The following DHRS7B variants were observed in gnomAD, a reference collection of about 807,000 sequenced individuals.
The protein encoded by DHRS7B is peroxisomal reductase activating PPAR-gamma.
In DHRS7B, 24 loss-of-function variants were observed where a neutral mutation model predicts 26.4. The observed-to-expected ratio is 0.91, with a 90% CI of 0.66 to 1.28. The LOEUF is 1.28. Ranked by LOEUF, DHRS7B falls within the 50% of genes most tolerant of loss-of-function variation. DHRS7B has a pLI of 0.00. For synonymous variants in DHRS7B, 142 were observed against 166.4 expected, an observed-to-expected ratio of 0.85 and a Z score of 1.13; for missense variants, 368 against 419.4, an observed-to-expected ratio of 0.88 and a Z score of 1.07.
At chr17:21,168,732 G>A in intron 1 of DHRS7B, 1 of 985,440 alleles carries the variant, frequency 1.0e-6, no homozygotes, top group African/African-American at 1.7e-5. Context: ...ACTGAATGCA[G>A]ACATGCGCTC....
At chr17:21,143,641 G>GT (rs139788836) in intron 1 of DHRS7B, among the ~76,000 whole-genome samples, 1 of 152,112 alleles carries the variant, frequency 6.6e-6, no homozygotes, top group Non-Finnish European at 1.5e-5. Context: ...CAGAGGGTCA[G>GT]TTTTTTTCCT....
intron 1 of DHRS7B, among the ~76,000 whole-genome samples, chr17:21,156,210 C>T (rs984985679): frequency 6.6e-6 from 1 of 152,082 alleles, no homozygotes; most frequent in South Asian, 2.1e-4. Flanking sequence ...ATCAATAAGC[C>T]TCTAGTCCAG....
At chr17:21,150,100 C>A (rs1973729624) in intron 1 of DHRS7B, among the ~76,000 whole-genome samples, 3 of 67,398 alleles carry the variant, frequency 4.5e-5, no homozygotes, top group Admixed American at 2.1e-4. Context: ...GGCTCCATCT[C>A]TATTTAAAAA....
At chr17:21,184,603 C>T (rs950695622) in intron 5 of DHRS7B, 140 bp downstream of exon 5, 1 of 821,788 alleles carries the variant, frequency 1.2e-6, no homozygotes, top group Non-Finnish European at 1.9e-6. Flanking sequence ...ATGTGTTCTC[C>T]AGAGCCACAT....
chr17:21,161,350 A>C (rs1001377713), intron 1 of DHRS7B, among the ~76,000 whole-genome samples: 1 of 152,184 alleles, frequency 6.6e-6, no homozygotes, highest in South Asian at 2.1e-4. Context: ...GTGTACCTAA[A>C]GTTTGTCTTA....
At chr17:21,151,222 C>G (rs1371639400) in intron 1 of DHRS7B, among the ~76,000 whole-genome samples, 1 of 152,046 alleles carries the variant, frequency 6.6e-6, no homozygotes, top group Non-Finnish European at 1.5e-5. Flanking sequence ...GTTGCCACTT[C>G]TAGGCTGGGT....
At chr17:21,130,880 A>C (rs1973215635) in intron 1 of DHRS7B, among the ~76,000 whole-genome samples, 1 of 152,194 alleles carries the variant, frequency 6.6e-6, no homozygotes, top group African/African-American at 2.4e-5. Flanking sequence ...GGCCATAAGC[A>C]TGAGGGTGAA....
chr17:21,145,735 T>C (rs1008750060), intron 1 of DHRS7B, among the ~76,000 whole-genome samples: 2 of 152,254 alleles, frequency 1.3e-5, no homozygotes, highest in African/African-American at 2.4e-5. Context: ...CATGAAATAA[T>C]CAACACTTTA....
In DHRS7B at chr17:21,183,725, C is replaced by T. The variant is rs568009900; in HGVS notation, c.441C>T (p.Tyr147=). The change falls in exon 4 of 7, where the codon TAC becomes TAT. Residue 147 remains tyrosine, a synonymous_variant. Transcript: ENST00000395511. ...DILVNNAGIS[Y]RGTIMDTTVD... is the part of the protein sequence containing the mutation. ...TTGTCAACAATGCTGGGATCAGCTACCGTGGTACCATCATGGACACCACAG... is the reference window on the plus strand; with the variant it reads ...TTGTCAACAATGCTGGGATCAGCTATCGTGGTACCATCATGGACACCACAG... The T allele has an allele frequency of 7.4e-5, 119 of 1,614,106 alleles. No individual in the cohort carries two copies. Among genetic ancestry groups the T allele is most frequent in the Admixed American group, 3.3e-5 (2 of 60,008 alleles).
Position 21,191,084 on chromosome 17 carries a change from G to A in DHRS7B, c.909G>A (p.Leu303=), listed in dbSNP as rs1211582876. The A allele has an allele frequency of 1.2e-6, 2 of 1,614,168 alleles. No individual in the cohort carries two copies. The highest frequency in any genetic ancestry group is 2.2e-5 in the South Asian group (2 of 91,072). The change falls in exon 7 of 7, where the codon CTG becomes CTA. Residue 303 remains leucine, a synonymous_variant. Coordinates refer to ENST00000395511, the MANE Select transcript of DHRS7B (RefSeq NM_015510.5). ...LPSLAVYLRT[L]APGLFFSLMA... is the part of the protein sequence containing the mutation. ...CCTTGGCTGTTTATCTTCGAACTCT[G>A]GCTCCTGGGCTCTTCTTCAGCCTCA...
chr17:21,171,109 G>T (rs1597750304), intron 1 of DHRS7B, among the ~76,000 whole-genome samples: 3 of 152,276 alleles, frequency 2.0e-5, no homozygotes, highest in Admixed American at 2.0e-4. Flanking sequence ...CCAGGGCATT[G>T]CTTCCCAGCG....
Position 21,191,041 on chromosome 17 carries a change from T to C in DHRS7B, c.866T>C (p.Leu289Pro), listed in dbSNP as rs1448785924. The change falls in exon 7 of 7, where the codon CTG becomes CCG. Residue 289 changes from leucine to proline, a missense_variant. Physicochemically the swap from Leu to Pro is moderately conservative, Grantham distance 98. Transcript: ENST00000395511. ...AVGKKKKDVI[L>P]ADLLPSLAVY... ...GGGAAGAAGAAGAAAGATGTGATCC[T>C]GGCTGACTTACTGCCTTCCTTGGCT... The C allele has an allele frequency of 6.2e-7, 1 of 1,614,290 alleles. No homozygotes were observed. The highest frequency in any genetic ancestry group is 1.1e-5 in the South Asian group (1 of 91,092).
intron 1 of DHRS7B, among the ~76,000 whole-genome samples, chr17:21,153,677 G>T (rs529602859): frequency 6.6e-6 from 1 of 152,236 alleles, no homozygotes; most frequent in East Asian, 1.9e-4. Flanking sequence ...GTGAGGGCCT[G>T]TTCCTTATAG....
intron 2 of DHRS7B, among the ~76,000 whole-genome samples, chr17:21,175,400 C>T (rs1010656587): frequency 2.0e-5 from 3 of 152,216 alleles, no homozygotes; most frequent in African/African-American, 7.2e-5. Flanking sequence ...TCTGACCCTG[C>T]AGTATTGGCC....
chr17:21,130,225 C>T (rs1037245423), intron 1 of DHRS7B, among the ~76,000 whole-genome samples: 14 of 152,026 alleles, frequency 9.2e-5, no homozygotes, highest in Non-Finnish European at 1.6e-4. Context: ...TGGCGAACCC[C>T]GTCTCTATTA....
chr17:21,143,036 C>T (rs776328024), intron 1 of DHRS7B, among the ~76,000 whole-genome samples: 1 of 152,246 alleles, frequency 6.6e-6, no homozygotes, highest in Middle Eastern at 3.2e-3. Flanking sequence ...TCAAGTGATT[C>T]TCTTGCCTCA....
chr17:21,190,265 T>G (rs1287840574), intron 6 of DHRS7B, among the ~76,000 whole-genome samples: 2 of 152,202 alleles, frequency 1.3e-5, no homozygotes, highest in African/African-American at 2.4e-5. Flanking sequence ...GTCAAATTAC[T>G]AGGGTAGAAG....
At chr17:21,136,958 T>A (rs921783828) in intron 1 of DHRS7B, among the ~76,000 whole-genome samples, 1 of 151,886 alleles carries the variant, frequency 6.6e-6, no homozygotes, top group Non-Finnish European at 1.5e-5. Flanking sequence ...TTTTAAAATT[T>A]TTTTTATTTT....
intron 1 of DHRS7B, among the ~76,000 whole-genome samples, chr17:21,154,450 G>A (rs1324460637): frequency 6.6e-6 from 1 of 152,134 alleles, no homozygotes; most frequent in African/African-American, 2.4e-5. Flanking sequence ...TCCTTCAAAA[G>A]CAAAGGAGAA....
Sources: allele counts gnomAD v4.1 joint callset (sites outside exome capture counted in the v4.1 genomes callset), GRCh38; gene constraint gnomAD v4.1.1; transcripts MANE v1.5; gene names NCBI Gene and HGNC (gene_info 2026-07-23, HGNC 2026-07-21).